TIAM2: variants seen among roughly 807,000 people sequenced by gnomAD.
The protein encoded by TIAM2 is TIAM Rac1 associated GEF 2.
A neutral mutation model predicts 152.9 loss-of-function variants in TIAM2; 80 were observed. The ratio of observed to expected loss-of-function variants is 0.52; its 90% confidence interval spans 0.44 to 0.63. The LOEUF is 0.63. TIAM2 is among the 30% of genes least tolerant of loss of function. The pLI is 0.00. For synonymous variants in TIAM2, 804 were observed against 838.0 expected (o/e 0.96, Z 0.70); for missense variants, 1,965 against 2,120.1 (o/e 0.93, Z 1.44).
intron 2 of TIAM2, among the ~76,000 whole-genome samples, chr6:155,126,606 C>T (rs1779303954): frequency 6.6e-6 from 1 of 152,100 alleles, no homozygotes; most frequent in Non-Finnish European, 1.5e-5. Context: ...TGGTGCGTGC[C>T]TGTAATCCCA....
intron 1 of TIAM2, among the ~76,000 whole-genome samples, chr6:155,024,223 A>G (rs1776555942): frequency 1.3e-5 from 2 of 152,356 alleles, no homozygotes; most frequent in South Asian, 2.1e-4. Context: ...GAAACAGGTA[A>G]TTGAAGAACA....
At chr6:155,202,346 G>A (rs190014273) in intron 14 of TIAM2, among the ~76,000 whole-genome samples, 1 of 152,318 alleles carries the variant, frequency 6.6e-6, no homozygotes, top group East Asian at 1.9e-4. Context: ...GTAAAAGTAT[G>A]AGTAAAATTT....
intron 15 of TIAM2, among the ~76,000 whole-genome samples, chr6:155,223,301 G>T (rs1301022951): frequency 6.6e-6 from 1 of 152,170 alleles, no homozygotes; most frequent in Admixed American, 6.5e-5. Flanking sequence ...CCTGCAATAT[G>T]AACAGCACTG....
chr6:155,161,402 A>ACTGTCTTTACCT (rs1209886129), intron 7 of TIAM2, among the ~76,000 whole-genome samples: 2 of 151,934 alleles, frequency 1.3e-5, no homozygotes, highest in Non-Finnish European at 2.9e-5. Flanking sequence ...CTGGTCTCAA[A>ACTGTCTTTACCT]CTGTCTTTAC....
intron 7 of TIAM2, among the ~76,000 whole-genome samples, chr6:155,158,339 G>C (rs1204067695): frequency 6.6e-6 from 1 of 152,122 alleles, no homozygotes; most frequent in Non-Finnish European, 1.5e-5. Context: ...AATCAGTAAA[G>C]CTGTGTTAGC....
At chr6:155,245,596 A>G in intron 18 of TIAM2, 27 bp from the exon 19 acceptor site, 1 of 1,580,766 alleles carries the variant, frequency 6.3e-7, no homozygotes, top group Non-Finnish European at 8.7e-7. Context: ...ACCATGTCTG[A>G]TTTGACTTTC....
rs1218040604 is a variant in TIAM2, at chr6:155,214,847, C to T, written c.3168+3540C>T. On this transcript the variant is annotated intron_variant, in intron 15 of 26. Transcript: ENST00000682666. This position sits in a 1 kb window ranked among gnomAD's most constrained non-coding sequence, Gnocchi z 5.4. ...ATAGATATGGGGTCTCACTATGTTGCTGAGGCTGGTCTCAAACTCCTGGGC... is the reference window on the plus strand; with the variant it reads ...ATAGATATGGGGTCTCACTATGTTGTTGAGGCTGGTCTCAAACTCCTGGGC... 6.6e-6 allele frequency among the ~76,000 whole-genome samples: 1 copy of T among 152,154 alleles called. No individual in the cohort carries two copies. Among genetic ancestry groups the T allele is most frequent in the Non-Finnish European group, 1.5e-5 (1 of 68,020 alleles).
intron 1 of TIAM2, among the ~76,000 whole-genome samples, chr6:155,088,468 G>A (rs1778222955): frequency 6.6e-6 from 1 of 152,150 alleles, no homozygotes; most frequent in South Asian, 2.1e-4. Flanking sequence ...GTCTAGTTGT[G>A]GTTTTTTGCT....
chr6:155,249,661 A>G (rs1783535525), intron 20 of TIAM2, among the ~76,000 whole-genome samples, 190 bp from the exon 21 acceptor site: 1 of 152,182 alleles, frequency 6.6e-6, no homozygotes, highest in African/African-American at 2.4e-5. Flanking sequence ...AGTAGGAGAT[A>G]ATTTTGCTGT....
chr6:155,125,648 G>T (rs1779273903), intron 2 of TIAM2, among the ~76,000 whole-genome samples: 1 of 152,164 alleles, frequency 6.6e-6, no homozygotes, highest in Non-Finnish European at 1.5e-5. Flanking sequence ...AGACCAGCCT[G>T]GCCAACACGG....
chr6:155,008,278 C>T (rs1478792492), intron 1 of TIAM2, among the ~76,000 whole-genome samples: 1 of 152,214 alleles, frequency 6.6e-6, no homozygotes, highest in East Asian at 1.9e-4. Flanking sequence ...GCTAAAATAG[C>T]ATGACACTGA....
Position 155,015,492 on chromosome 6 carries a change from G to C in TIAM2, c.-209+20000G>C, listed in dbSNP as rs1362030873. Among the ~76,000 whole-genome samples the C allele has an allele frequency of 3.9e-5, 6 of 152,088 alleles. No individual in the cohort carries two copies. In the East Asian group the frequency reaches 1.2e-3, roughly 29 times the overall value. ...AAATTGTCAAAGAAGGATGTGCAAAGAGAGGCAAAAAAGACAGGCAAGAGC... is the reference window on the plus strand; with the variant it reads ...AAATTGTCAAAGAAGGATGTGCAAACAGAGGCAAAAAAGACAGGCAAGAGC... On this transcript the variant is annotated intron_variant, in intron 1 of 26. Coordinates refer to ENST00000682666, the MANE Select transcript of TIAM2 (RefSeq NM_012454.4).
chr6:155,142,935 C>A (rs1779743649), intron 5 of TIAM2, among the ~76,000 whole-genome samples: 1 of 152,168 alleles, frequency 6.6e-6, no homozygotes, highest in African/African-American at 2.4e-5. Context: ...CATATCAAGA[C>A]TTATTTTTAA....
chr6:155,097,982 A>G (rs1255923109), intron 2 of TIAM2, among the ~76,000 whole-genome samples: 1 of 152,072 alleles, frequency 6.6e-6, no homozygotes. Context: ...GTGAATTTTT[A>G]TCTGGATTCT....
intron 15 of TIAM2, among the ~76,000 whole-genome samples, chr6:155,223,600 C>T (rs908544104): frequency 5.8e-4 from 86 of 148,594 alleles, no homozygotes; most frequent in African/African-American, 2.1e-3. Flanking sequence ...CGCAGCATTA[C>T]GTGCTGGGAT....
intron 14 of TIAM2, among the ~76,000 whole-genome samples, chr6:155,210,687 C>T (rs1330947816): frequency 6.6e-6 from 1 of 152,154 alleles, no homozygotes; most frequent in African/African-American, 2.4e-5. Context: ...TTTACTGATC[C>T]TCTTGGGACT....
At chr6:155,079,215 C>T (rs768984889) in intron 1 of TIAM2, among the ~76,000 whole-genome samples, 3 of 152,072 alleles carry the variant, frequency 2.0e-5, no homozygotes, top group Non-Finnish European at 4.4e-5. Context: ...ACACCCGCCA[C>T]CATGCCCAGC....
intron 5 of TIAM2, among the ~76,000 whole-genome samples, chr6:155,139,097 G>A (rs992204628): frequency 3.3e-5 from 5 of 152,290 alleles, no homozygotes; most frequent in Non-Finnish European, 5.9e-5. Flanking sequence ...AAACCTCATC[G>A]TCAAGTGATG....
intron 15 of TIAM2, among the ~76,000 whole-genome samples, chr6:155,230,688 G>A (rs1337219673): frequency 2.6e-5 from 4 of 152,022 alleles, no homozygotes; most frequent in African/African-American, 9.7e-5. Flanking sequence ...ACTCAGATAA[G>A]CCAAAAGATT....
Sources: gnomAD v4.1 joint callset for allele counts (sites outside exome capture counted in the v4.1 genomes callset) on GRCh38, gnomAD v4.1.1 for gene constraint, Gnocchi (gnomAD v3.1) non-coding constraint, MANE v1.5 for transcripts, NCBI Gene and HGNC (gene_info 2026-07-23, HGNC 2026-07-21) for gene names.